Variants in PREX1 observed in about 807,000 individuals in gnomAD.
PREX1 encodes the protein phosphatidylinositol 3,4,5-trisphosphate-dependent Rac exchanger 1 protein.
Under a neutral mutation model 198.3 loss-of-function variants are expected in PREX1, and 41 were observed. The observed-to-expected ratio is 0.21, with a 90% confidence interval of 0.16 to 0.27. The LOEUF is 0.27. Ranked by LOEUF, PREX1 falls within the 10% of genes least tolerant of loss-of-function variation. PREX1 has a pLI of 1.00. For synonymous variants in PREX1, 843 were observed against 887.2 expected, an observed-to-expected ratio of 0.95 and a Z score of 0.89; for missense variants, 1,620 against 2,200.7, an observed-to-expected ratio of 0.74 and a Z score of 5.28.
intron 31 of PREX1, among the ~76,000 whole-genome samples, chr20:48,637,434 C>T (rs1159529477): frequency 6.6e-6 from 1 of 152,250 alleles, no homozygotes; most frequent in Non-Finnish European, 1.5e-5. Flanking sequence ...GCTGAAGGCT[C>T]TACCGGCACA....
the PREX1 span, among the ~76,000 whole-genome samples, chr20:48,837,819 A>C: frequency 6.6e-6 from 1 of 152,238 alleles, no homozygotes; most frequent in African/African-American, 2.4e-5. Flanking sequence ...TGAACCTAAA[A>C]TAAAAGTTTA....
chr20:48,630,014 G>A (rs1193410693), intron 36 of PREX1, among the ~76,000 whole-genome samples: 9 of 152,224 alleles, frequency 5.9e-5, no homozygotes, highest in South Asian at 2.1e-4. Context: ...TGACCCCCAC[G>A]TGGAGGTGCA....
chr20:48,749,823 A>G (rs534116211), intron 1 of PREX1, among the ~76,000 whole-genome samples: 1 of 152,130 alleles, frequency 6.6e-6, no homozygotes, highest in Admixed American at 6.5e-5. Context: ...AGTTACTTAT[A>G]TCCTACTCTT....
At chr20:48,769,711 C>T (rs1000690255) in intron 1 of PREX1, among the ~76,000 whole-genome samples, 1 of 152,214 alleles carries the variant, frequency 6.6e-6, no homozygotes, top group Non-Finnish European at 1.5e-5. Context: ...ATGACTCATT[C>T]ACTCTGCTCC....
At chr20:48,813,246 G>A (rs569923451) in intron 1 of PREX1, among the ~76,000 whole-genome samples, 37 of 152,340 alleles carry the variant, frequency 2.4e-4, no homozygotes, top group African/African-American at 8.7e-4. Flanking sequence ...AAGAAACTGA[G>A]GTCCAAGAAT....
chr20:48,665,964 G>A (rs2089637380), intron 15 of PREX1, among the ~76,000 whole-genome samples: 1 of 152,176 alleles, frequency 6.6e-6, no homozygotes, highest in African/African-American at 2.4e-5. Flanking sequence ...AGGCCTTCGG[G>A]CCAGGCCTGC....
chr20:48,859,016 C>T, the PREX1 span, among the ~76,000 whole-genome samples: 1 of 152,060 alleles, frequency 6.6e-6, no homozygotes, highest in Non-Finnish European at 1.5e-5. Flanking sequence ...CCATCTCAGC[C>T]TCCCGAGTAG....
At chr20:48,759,565 A>AAG (rs1304473800) in intron 1 of PREX1, among the ~76,000 whole-genome samples, 6 of 146,646 alleles carry the variant, frequency 4.1e-5, no homozygotes, top group South Asian at 2.1e-4. Flanking sequence ...AAAAAAAAAA[A>AAG]AAAGAAAAGA....
the PREX1 span, among the ~76,000 whole-genome samples, chr20:48,845,963 GACGATGGCCCATAATAATAA>G: frequency 6.6e-6 from 1 of 152,112 alleles, no homozygotes; most frequent in South Asian, 2.1e-4. Flanking sequence ...CTATTGCATG[GACGATGGCCCATAATAATAA>G]AAATGATCAC....
chr20:48,820,501 A>C lies in PREX1; in HGVS notation c.219+7141T>G, dbSNP rs150222451. ...CTCCCAGACACTCTGCTGGGTGAAAAGGGCAAACCGTATTATGCTACTTAC... is the reference window on the plus strand; with the variant it reads ...CTCCCAGACACTCTGCTGGGTGAAACGGGCAAACCGTATTATGCTACTTAC... On this transcript the variant is annotated intron_variant, in intron 1 of 39. Transcript: ENST00000371941. Among the ~76,000 whole-genome samples the C allele has an allele frequency of 2.3e-4, 35 of 152,326 alleles. No homozygotes were observed. In the East Asian group the frequency reaches 6.6e-3, roughly 29 times the overall value.
the PREX1 span, among the ~76,000 whole-genome samples, chr20:48,847,381 A>C: frequency 4.5e-4 from 67 of 150,256 alleles, no homozygotes; most frequent in East Asian, 1.2e-3. Flanking sequence ...AAAAAAAAAA[A>C]AAACAAACCC....
chr20:48,749,950 C>A (rs1317975758), intron 1 of PREX1, among the ~76,000 whole-genome samples: 1 of 151,926 alleles, frequency 6.6e-6, no homozygotes, highest in Non-Finnish European at 1.5e-5. Context: ...GCCTGGACTT[C>A]TCCCCTGAAA....
At chr20:48,777,394 A>T (rs1218384803) in intron 1 of PREX1, among the ~76,000 whole-genome samples, 1 of 152,210 alleles carries the variant, frequency 6.6e-6, no homozygotes, top group African/African-American at 2.4e-5. Context: ...AAGGCTGTTC[A>T]ACCCCAGCAA....
intron 1 of PREX1, among the ~76,000 whole-genome samples, chr20:48,794,732 G>GC: frequency 6.6e-6 from 1 of 152,352 alleles, no homozygotes; most frequent in South Asian, 2.1e-4. Context: ...CCTAAGAGGG[G>GC]CCCCGGCTGC....
intron 33 of PREX1, among the ~76,000 whole-genome samples, chr20:48,633,601 C>T (rs1367501492): frequency 6.6e-6 from 1 of 152,198 alleles, no homozygotes; most frequent in East Asian, 1.9e-4. Context: ...GTTTCTGAGG[C>T]CGTAGTTCTG....
At chr20:48,654,563 A>T (rs1218091897) in intron 19 of PREX1, among the ~76,000 whole-genome samples, 1 of 152,234 alleles carries the variant, frequency 6.6e-6, no homozygotes, top group Non-Finnish European at 1.5e-5. Flanking sequence ...TGTCCTCTGG[A>T]GAGGAGGCTA....
At chr20:48,797,236 G>A (rs975607798) in intron 1 of PREX1, among the ~76,000 whole-genome samples, 6 of 151,708 alleles carry the variant, frequency 4.0e-5, no homozygotes, top group African/African-American at 7.3e-5. Context: ...GTCCAGCCCC[G>A]CACCACAACT....
chr20:48,665,012 A>C (rs1357521450), intron 15 of PREX1, among the ~76,000 whole-genome samples: 2 of 74,342 alleles, frequency 2.7e-5, no homozygotes, highest in Non-Finnish European at 2.5e-5. Context: ...TCTAATCCCG[A>C]CTCCAGACGG....
chr20:48,679,011 G>C (rs1314604660), intron 13 of PREX1, among the ~76,000 whole-genome samples: 1 of 152,206 alleles, frequency 6.6e-6, no homozygotes, highest in African/African-American at 2.4e-5. Flanking sequence ...GGGAACAGCA[G>C]GCACAAAGGC....
Sources: gnomAD v4.1 joint callset for allele counts (sites outside exome capture counted in the v4.1 genomes callset) on GRCh38, gnomAD v4.1.1 for gene constraint, MANE v1.5 for transcripts, NCBI Gene and HGNC (gene_info 2026-07-23, HGNC 2026-07-21) for gene names.